Variants in CLASP1 observed in about 807,000 individuals in gnomAD.
The protein encoded by CLASP1 is CLIP-associating protein 1.
CLASP1 carries 38 observed loss-of-function variants against 192.3 expected under a neutral mutation model. The ratio of observed to expected loss-of-function variants is 0.20; its 90% CI spans 0.15 to 0.26. The LOEUF (loss-of-function observed/expected upper bound fraction) is 0.26. CLASP1 is among the 10% of genes least tolerant of loss of function. The probability of loss-of-function intolerance (pLI) is 1.00; values close to 1 mark genes in which losing one functional copy is unlikely to be tolerated. For missense variants in CLASP1, 1,433 were observed against 1,932.5 expected, an observed-to-expected ratio of 0.74 and a Z score of 4.85; for synonymous variants, 691 against 712.8, an observed-to-expected ratio of 0.97 and a Z score of 0.49.
chr2:121,477,065 G>T (rs1032601402), intron 8 of CLASP1, among the ~76,000 whole-genome samples: 1 of 152,176 alleles, frequency 6.6e-6, no homozygotes, highest in Non-Finnish European at 1.5e-5. Context: ...GCTCTAACTT[G>T]CGTGTACCAT....
exon 23 of CLASP1, chr2:121,418,636 C>A: frequency 6.2e-7 from 1 of 1,613,504 alleles, no homozygotes; most frequent in South Asian, 1.1e-5. Context: ...TGGAGGAAAG[C>A]CCCGAGCAGG....
intron 1 of CLASP1, among the ~76,000 whole-genome samples, chr2:121,612,085 G>A (rs1333359423): frequency 2.7e-5 from 4 of 149,438 alleles, no homozygotes; most frequent in Non-Finnish European, 5.9e-5. Context: ...GGAGTTGGAG[G>A]AGTTACAGGA....
chr2:121,445,077 C>G lies in CLASP1; in HGVS notation c.1912+2260G>C. 3 of 567,518 alleles carry G rather than the reference C, an allele frequency of 5.3e-6. 1 individual carries two copies. The highest frequency in any genetic ancestry group is 4.9e-5 in the South Asian group (3 of 61,192). 35.2% of individuals were successfully genotyped at this position (567,518 alleles called of 1,614,324 possible). On this transcript the variant is annotated intron_variant, in intron 19 of 39. Transcript: ENST00000263710. ...AAAAAAGCAAAAGTACAATTTAAAA[C>G]AAAATTAAAAGGGAAACAAGTTCAA...
chr2:121,569,975 T>C (rs1480470668), intron 2 of CLASP1, among the ~76,000 whole-genome samples: 2 of 152,228 alleles, frequency 1.3e-5, no homozygotes, highest in African/African-American at 4.8e-5. Flanking sequence ...TGCCACTTAC[T>C]ACTGGTGTAA....
At chr2:121,340,471 A>AC (rs1022135321) in exon 40 of CLASP1, 1 of 173,408 alleles carries the variant, frequency 5.8e-6, no homozygotes, top group Admixed American at 5.6e-5. Flanking sequence ...ACAAAGTAAC[A>AC]CCCCACCCCA....
At chr2:121,474,502 C>T (rs183813025) in intron 8 of CLASP1, among the ~76,000 whole-genome samples, 1,900 of 152,098 alleles carry the variant, frequency 0.012, 32 homozygotes, top group Non-Finnish European at 0.018. Context: ...TTTGGGCGGC[C>T]GAGGCAGGCA....
At chr2:121,350,977 T>C (rs1422832899) in intron 37 of CLASP1, among the ~76,000 whole-genome samples, 3 of 152,218 alleles carry the variant, frequency 2.0e-5, no homozygotes, top group Non-Finnish European at 2.9e-5. Flanking sequence ...GGAAAATGTA[T>C]TCCAGAAAAT....
chr2:121,482,684 A>G (rs2092684665), intron 8 of CLASP1, among the ~76,000 whole-genome samples: 1 of 152,102 alleles, frequency 6.6e-6, no homozygotes, highest in South Asian at 2.1e-4. Flanking sequence ...CCCAACATAA[A>G]ACTCTGTGAG....
At chr2:121,469,767 G>A (rs2090333542) in intron 9 of CLASP1, 41 bp downstream of exon 9, 8 of 1,567,192 alleles carry the variant, frequency 5.1e-6, no homozygotes, top group African/African-American at 1.4e-5. Context: ...TGAAAAGCTG[G>A]CATAGCTGAC....
chr2:121,482,690 G>A (rs1559384621), intron 8 of CLASP1, among the ~76,000 whole-genome samples: 1 of 152,104 alleles, frequency 6.6e-6, no homozygotes, highest in South Asian at 2.1e-4. Context: ...ATAAAACTCT[G>A]TGAGCACCTG....
At chr2:121,642,530 G>A (rs1047571858) in intron 1 of CLASP1, among the ~76,000 whole-genome samples, 28 of 151,888 alleles carry the variant, frequency 1.8e-4, no homozygotes, top group African/African-American at 6.0e-4. Context: ...TCAGGAGTTC[G>A]AGACCAGCCT....
chr2:121,455,690 T>A (rs537889778), intron 14 of CLASP1, among the ~76,000 whole-genome samples: 25 of 152,134 alleles, frequency 1.6e-4, no homozygotes, highest in Admixed American at 3.3e-4. Context: ...TAAGACCTTA[T>A]CTCTACAAAA....
Position 121,458,368 on chromosome 2 carries a change from A to G in CLASP1, c.1314+472T>C, listed in dbSNP as rs1045764226. ...GTATAAATTACTTGGATAATTATTT[A>G]AATTTAAACAAACAAGTGCCTAGAA... is the stretch of plus-strand genomic sequence containing the variant. On this transcript the variant is annotated intron_variant, in intron 13 of 39. Coordinates refer to ENST00000263710, the Ensembl canonical transcript of CLASP1. Among the ~76,000 whole-genome samples, 6 of 152,334 alleles carry G rather than the reference A, an allele frequency of 3.9e-5. 1 individual carries two copies. The highest frequency in any genetic ancestry group is 6.8e-3 in the Middle Eastern group (2 of 294).
At chr2:121,561,344 G>T (rs2059067828) in intron 2 of CLASP1, among the ~76,000 whole-genome samples, 1 of 152,226 alleles carries the variant, frequency 6.6e-6, no homozygotes, top group African/African-American at 2.4e-5. Context: ...TCTAGGCAAA[G>T]AATTACTACT....
At chr2:121,556,117 G>A (rs2058544535) in intron 2 of CLASP1, among the ~76,000 whole-genome samples, 1 of 147,330 alleles carries the variant, frequency 6.8e-6, no homozygotes, top group Non-Finnish European at 1.5e-5. Context: ...CCAAGTAGCT[G>A]GAATTACAGG....
At position 121,458,878 on chromosome 2, in the gene CLASP1, C is replaced by A. The variant is rs201602543; in HGVS notation, c.1276G>T (p.Ala426Ser). ...CTAACAGCTACAACACCAGATGTGG[C>A]CATAATTTTGGCACTGTTTGGAATT... is the stretch of plus-strand genomic sequence containing the variant. The change falls in exon 13 of 40, where the codon GCC becomes TCC. Residue 426 changes from alanine (A) to serine (S), a missense_variant. Physicochemically the swap from Ala to Ser is moderately conservative, Grantham distance 99. This residue lies in a region of CLASP1 where 113 missense variants were observed against 239.5 expected (regional missense o/e 0.47). Transcript: ENST00000263710. 5.1e-5 allele frequency: 82 copies of A among 1,611,746 alleles called. No homozygotes were observed. Among genetic ancestry groups the A allele is most frequent in the Non-Finnish European group, 6.7e-5 (79 of 1,178,928 alleles).
intron 23 of CLASP1, among the ~76,000 whole-genome samples, chr2:121,414,606 C>T (rs755321535): frequency 6.6e-6 from 1 of 152,132 alleles, no homozygotes; most frequent in Admixed American, 6.6e-5. Flanking sequence ...TGTTAGCTCA[C>T]GAGATGTTTT....
chr2:121,348,545 C>T lies in CLASP1; in HGVS notation c.4380G>A (p.Gln1460=), dbSNP rs765324267. The T allele has an allele frequency of 1.5e-5, 24 of 1,612,536 alleles. No individual in the cohort carries two copies. The African/African-American group carries it at 2.7e-4, about 18-fold the overall frequency. ...AGCCTGGGATGATGTCGACAAGGAG[C>T]TGCAGCAATGACTCCTTTGCGATCC... The change falls in exon 38 of 40, where the codon CAG becomes CAA. Residue 1460 remains glutamine (Q), a synonymous_variant. Coordinates refer to ENST00000263710, the Ensembl canonical transcript of CLASP1.
At chr2:121,411,386 A>C (rs2077684674) in intron 23 of CLASP1, among the ~76,000 whole-genome samples, 2 of 152,218 alleles carry the variant, frequency 1.3e-5, no homozygotes, top group Non-Finnish European at 2.9e-5. Flanking sequence ...AAAAGCTTAA[A>C]ATTTGAAACA....
Sources: allele counts gnomAD v4.1 joint callset (sites outside exome capture counted in the v4.1 genomes callset), GRCh38; gene constraint gnomAD v4.1.1; regional missense constraint gnomAD v4.1.1; transcripts MANE v1.5; gene names NCBI Gene and HGNC (gene_info 2026-07-23, HGNC 2026-07-21).